CFAP46: variants seen among roughly 807,000 people sequenced by gnomAD.
CFAP46 encodes the protein cilia- and flagella-associated protein 46.
A neutral mutation model predicts 325.7 loss-of-function variants in CFAP46; 245 were observed. The ratio of observed to expected loss-of-function variants is 0.75; its 90% CI spans 0.68 to 0.84. The LOEUF (loss-of-function observed/expected upper bound fraction) is 0.84. CFAP46 is among the 40% of genes least tolerant of loss of function. CFAP46 has a pLI of 0.00. For synonymous variants in CFAP46, 1,523 were observed against 1,495.9 expected, an observed-to-expected ratio of 1.02 and a Z score of -0.42; for missense variants, 3,346 against 3,543.0, an observed-to-expected ratio of 0.94 and a Z score of 1.41.
At chr10:132,855,176 A>G (rs1332368504) in intron 39 of CFAP46, among the ~76,000 whole-genome samples, 1 of 140,932 alleles carries the variant, frequency 7.1e-6, no homozygotes, top group Non-Finnish European at 1.5e-5. Context: ...ATTTTATTTT[A>G]TCAGTTTTTG....
chr10:132,840,894 G>A (rs951194117), intron 44 of CFAP46, among the ~76,000 whole-genome samples: 1 of 152,156 alleles, frequency 6.6e-6, no homozygotes, highest in Non-Finnish European at 1.5e-5. Flanking sequence ...GGGCCTTCTC[G>A]CAGGTGGGGA....
chr10:132,942,183 C>T, intron 1 of CFAP46, 79 bp from the exon 2 acceptor site: 1 of 1,519,724 alleles, frequency 6.6e-7, no homozygotes, highest in South Asian at 1.3e-5. Context: ...CCCGAAGGCC[C>T]CAGGCAGCCG....
intron 9 of CFAP46, among the ~76,000 whole-genome samples, chr10:132,928,655 C>T (rs1849846302): frequency 6.6e-6 from 1 of 152,208 alleles, no homozygotes; most frequent in Non-Finnish European, 1.5e-5. Context: ...ACAGCAAGTG[C>T]TCAATGAAGA....
chr10:132,912,446 T>TCTCTCTCTCTCTTCAC (rs1849560109), intron 19 of CFAP46, among the ~76,000 whole-genome samples: 4 of 52,214 alleles, frequency 7.7e-5, no homozygotes, highest in African/African-American at 6.3e-5. Flanking sequence ...TCTCCTCTCC[T>TCTCTCTCTCTCTTCAC]CTCTCTCTCT....
chr10:132,914,844 T>C (rs1200221777), intron 17 of CFAP46, among the ~76,000 whole-genome samples: 1 of 152,146 alleles, frequency 6.6e-6, no homozygotes, highest in Non-Finnish European at 1.5e-5. Flanking sequence ...CCAGCCACAC[T>C]GCAGCTCCCT....
At chr10:132,821,969 CGCT>C (rs1271379827) in intron 50 of CFAP46, among the ~76,000 whole-genome samples, 1 of 96,176 alleles carries the variant, frequency 1.0e-5, no homozygotes, top group East Asian at 3.5e-4. Context: ...GCTGTGTGTG[CGCT>C]GATGTGTGCT....
chr10:132,859,121 G>A lies in CFAP46; in HGVS notation c.5325C>T (p.Gly1775=). The change falls in exon 38 of 58, where the codon GGC becomes GGT. Residue 1775 remains glycine, a synonymous_variant. Coordinates refer to ENST00000368586, the MANE Select transcript of CFAP46 (RefSeq NM_001200049.3). ...LEIERKFIDC[G]CKENCVDVKL... is the part of the protein sequence containing the mutation. ...TTACGTCAACACAATTCTCTTTGCA[G>A]CCACAGTCGATAAACTTTCTCTCAA... 6.4e-7 allele frequency: 1 copy of A among 1,551,064 alleles called. No individual in the cohort carries two copies. The highest frequency in any genetic ancestry group is 1.2e-5 in the South Asian group (1 of 84,064).
rs554817546 is a variant in CFAP46, at chr10:132,911,347, C to T, written c.2500-1279G>A. On this transcript the variant is annotated intron_variant, in intron 19 of 57. Transcript: ENST00000368586. ...AGCTGACTGTGAGCGTTGTGAGTGC[C>T]GGGCCGCAGGCTCAAGACTCTCCAG... is the stretch of plus-strand genomic sequence containing the variant. 2.0e-5 allele frequency among the ~76,000 whole-genome samples: 3 copies of T among 152,322 alleles called. No individual in the cohort carries two copies. The East Asian group carries it at 5.8e-4, about 29-fold the overall frequency.
At chr10:132,912,608 T>TC (rs1295476466) in intron 19 of CFAP46, 47 bp downstream of exon 19, 46,566 of 323,678 alleles carry the variant, frequency 0.14, 2,364 homozygotes, top group Admixed American at 0.33. Context: ...CTCTCTCCTC[T>TC]CTCTCTCTCT....
intron 31 of CFAP46, among the ~76,000 whole-genome samples, chr10:132,875,072 C>T (rs1009243225): frequency 2.0e-5 from 3 of 152,152 alleles, no homozygotes; most frequent in Non-Finnish European, 2.9e-5. Context: ...TGGATGCTTA[C>T]AAGGCCAAAA....
intron 50 of CFAP46, 57 bp from the exon 51 acceptor site, chr10:132,814,971 G>A (rs1049980458): frequency 5.4e-5 from 80 of 1,484,234 alleles, no homozygotes; most frequent in Non-Finnish European, 6.2e-5. Flanking sequence ...GCAGCCCTCC[G>A]GCCACACGGT....
chr10:132,879,441 G>C lies in CFAP46; in HGVS notation c.3990C>G (p.Phe1330Leu). Residue 1330 changes from phenylalanine to leucine, a missense_variant, in exon 29 of 58, where the codon TTC (phenylalanine) becomes TTG (leucine). Coordinates refer to ENST00000368586, the MANE Select transcript of CFAP46 (RefSeq NM_001200049.3). ...EDCCLAAYAF[F>L]RHIWQVSLMT... is the part of the protein sequence containing the mutation. Reference sequence around the variant, plus strand: ...TGGGCCTCACCTGCCAGATGTGCCTGAAGAAGGCGTAGGCTGCAAGGCAGC... The same window carrying C: ...TGGGCCTCACCTGCCAGATGTGCCTCAAGAAGGCGTAGGCTGCAAGGCAGC... 6.5e-7 allele frequency: 1 copy of C among 1,527,036 alleles called. No homozygotes were observed. The highest frequency in any genetic ancestry group is 8.8e-7 in the Non-Finnish European group (1 of 1,133,684). 94.6% of individuals were successfully genotyped at this position (1,527,036 alleles called of 1,614,324 possible). A position where few individuals can be genotyped will look rare whatever the true frequency, so the allele number is the denominator to read the frequency against.
intron 50 of CFAP46, 37 bp from the exon 51 acceptor site, chr10:132,814,951 G>A (rs375359636): frequency 6.3e-7 from 1 of 1,581,868 alleles, no homozygotes; most frequent in Non-Finnish European, 8.7e-7. Flanking sequence ...ATGTTTGGCA[G>A]CAGCTCGAGG....
At chr10:132,825,425 G>A (rs1349042085) in intron 50 of CFAP46, among the ~76,000 whole-genome samples, 1 of 152,178 alleles carries the variant, frequency 6.6e-6, no homozygotes, top group African/African-American at 2.4e-5. Flanking sequence ...GCAATATAAA[G>A]GGGCAGGAGG....
chr10:132,940,802 G>C (rs1850086263), intron 4 of CFAP46, among the ~76,000 whole-genome samples, 194 bp downstream of exon 4: 1 of 152,216 alleles, frequency 6.6e-6, no homozygotes. Context: ...AAAAGAGGCT[G>C]TTACTCGGAA....
chr10:132,915,979 T>C (rs1217204506), intron 17 of CFAP46, among the ~76,000 whole-genome samples: 1 of 152,256 alleles, frequency 6.6e-6, no homozygotes, highest in Non-Finnish European at 1.5e-5. Flanking sequence ...AAACCATCAT[T>C]GCTGGTACAA....
intron 26 of CFAP46, 33 bp downstream of exon 26, chr10:132,885,788 G>A: frequency 6.5e-7 from 1 of 1,526,756 alleles, no homozygotes. Context: ...GGCGGTGGAG[G>A]GAGCACTCAC....
chr10:132,810,967 C>G lies in CFAP46; in HGVS notation c.7566G>C (p.Glu2522Asp). The change falls in exon 56 of 58, where the codon GAG (glutamate) becomes GAC (aspartate). Residue 2522 changes from glutamate (E) to aspartate (D), a missense_variant. Glu to Asp is a conservative substitution (Grantham distance 45). Coordinates refer to ENST00000368586, the MANE Select transcript of CFAP46 (RefSeq NM_001200049.3). ...CCAGGCACCTCCTGTGCTCCACGCT[C>G]TCCATGTGCCTCTTCAAGCTCTGGT... Reference protein sequence around the residue: ...RSYQSLKRHMESVEHRRSVGR... With the variant: ...RSYQSLKRHMDSVEHRRSVGR... The G allele has an allele frequency of 6.2e-7, 1 of 1,605,358 alleles. No homozygotes were observed. Among genetic ancestry groups the G allele is most frequent in the South Asian group, 1.1e-5 (1 of 89,370 alleles).
chr10:132,905,121 TATTGTCAAAATCA>T (rs2135505982), intron 22 of CFAP46, among the ~76,000 whole-genome samples: 1 of 151,840 alleles, frequency 6.6e-6, no homozygotes, highest in African/African-American at 2.4e-5. Flanking sequence ...TTCACTTTTG[TATTGTCAAAATCA>T]ATCCTTTCCT....
Sources: gnomAD v4.1 joint callset for allele counts (sites outside exome capture counted in the v4.1 genomes callset) on GRCh38, gnomAD v4.1.1 for gene constraint, MANE v1.5 for transcripts, NCBI Gene and HGNC (gene_info 2026-07-23, HGNC 2026-07-21) for gene names.